Variants in LPP observed in about 807,000 individuals in gnomAD.
LPP encodes the protein LIM domain containing preferred translocation partner in lipoma.
A neutral mutation model predicts 60.4 loss-of-function variants in LPP; 38 were observed. That is an observed-to-expected ratio of 0.63 (90% confidence interval 0.49 to 0.83). The LOEUF is 0.83. LPP is among the 40% of genes least tolerant of loss of function. LPP has a pLI of 0.00. For synonymous variants in LPP, 328 were observed against 290.8 expected (o/e 1.13, Z -1.30); for missense variants, 902 against 783.6 (o/e 1.15, Z -1.80).
At chr3:188,640,408 A>T (rs1281779152) in intron 7 of LPP, among the ~76,000 whole-genome samples, 1 of 147,246 alleles carries the variant, frequency 6.8e-6, no homozygotes, top group Non-Finnish European at 1.5e-5. Flanking sequence ...TGGGAGATAT[A>T]CCTAATGCTA....
intron 9 of LPP, among the ~76,000 whole-genome samples, chr3:188,847,772 A>G (rs1761812080): frequency 6.6e-6 from 1 of 152,232 alleles, no homozygotes; most frequent in African/African-American, 2.4e-5. Flanking sequence ...TGTAAATGAT[A>G]TTTTACAATG....
At chr3:188,207,761 T>C (rs1056728540) in intron 1 of LPP, among the ~76,000 whole-genome samples, 2 of 152,060 alleles carry the variant, frequency 1.3e-5, no homozygotes, top group African/African-American at 4.8e-5. Context: ...GGCTTAAATA[T>C]TTCCTTCTGT....
intron 6 of LPP, among the ~76,000 whole-genome samples, chr3:188,604,788 G>A (rs142493839): frequency 5.9e-5 from 9 of 152,204 alleles, no homozygotes; most frequent in South Asian, 2.1e-4. Flanking sequence ...GGAATAAAAA[G>A]GACAGTCTCT....
intron 2 of LPP, among the ~76,000 whole-genome samples, chr3:188,339,602 A>G (rs1206959833): frequency 1.3e-5 from 2 of 152,138 alleles, no homozygotes; most frequent in Non-Finnish European, 2.9e-5. Flanking sequence ...AGCAGGAGAA[A>G]TGCCAGATGC....
chr3:188,859,447 G>A (rs1461075251), intron 9 of LPP, among the ~76,000 whole-genome samples: 2 of 152,080 alleles, frequency 1.3e-5, no homozygotes, highest in African/African-American at 2.4e-5. Flanking sequence ...GTGCCTCAAT[G>A]ATAGCAATTT....
intron 9 of LPP, among the ~76,000 whole-genome samples, chr3:188,764,114 A>G (rs564270012): frequency 6.2e-4 from 95 of 152,288 alleles, no homozygotes; most frequent in Non-Finnish European, 1.2e-3. Flanking sequence ...TGTCTCTTGA[A>G]AGCCTAGTTT....
At chr3:188,262,106 G>T (rs1733865069) in intron 2 of LPP, among the ~76,000 whole-genome samples, 1 of 152,168 alleles carries the variant, frequency 6.6e-6, no homozygotes, top group South Asian at 2.1e-4. Context: ...TCCCAGGCTG[G>T]TGGGAAGAGG....
rs573140902 is a variant in LPP at position 188,681,409 on chromosome 3, T to A, written c.1114-26858T>A. Among the ~76,000 whole-genome samples, 26 of 152,276 alleles carry A rather than the reference T, an allele frequency of 1.7e-4. 1 individual carries two copies. The highest frequency in any genetic ancestry group is 5.2e-4 in the Admixed American group (8 of 15,302). On this transcript the variant is annotated intron_variant, in intron 7 of 11. Transcript: ENST00000617246. ...CTCAACATCTCCAGTCCCCTTTGAG[T>A]TACCTCCAGAAGGTTCAGGAAGAGC...
intron 2 of LPP, among the ~76,000 whole-genome samples, chr3:188,240,562 T>C (rs189604084): frequency 2.6e-5 from 4 of 152,284 alleles, no homozygotes; most frequent in South Asian, 2.1e-4. Context: ...TTGAGAGCTT[T>C]ATTCAAACTC....
At chr3:188,473,312 A>G (rs1353680115) in intron 4 of LPP, among the ~76,000 whole-genome samples, 1 of 152,176 alleles carries the variant, frequency 6.6e-6, no homozygotes, top group Non-Finnish European at 1.5e-5. Context: ...CCTTATTTAG[A>G]TTTCATTGAT....
chr3:188,610,021 C>T lies in LPP; in HGVS notation c.1113+177C>T, dbSNP rs908501503. Reference sequence around the variant, plus strand: ...GAGAGAGAGACTACTTAGTATGTTACTAATATGGCCACTGTTTAGTATCAA... The same window carrying T: ...GAGAGAGAGACTACTTAGTATGTTATTAATATGGCCACTGTTTAGTATCAA... On this transcript the variant is annotated intron_variant, in intron 7 of 11. Transcript: ENST00000617246. This position sits in a 1 kb window ranked among gnomAD's most constrained non-coding sequence, Gnocchi z 4.4. 2.0e-5 allele frequency among the ~76,000 whole-genome samples: 3 copies of T among 152,128 alleles called. No individual in the cohort carries two copies. Among genetic ancestry groups the T allele is most frequent in the African/African-American group, 7.2e-5 (3 of 41,422 alleles).
intron 3 of LPP, among the ~76,000 whole-genome samples, chr3:188,353,080 T>A (rs973322685): frequency 2.6e-5 from 4 of 152,222 alleles, no homozygotes; most frequent in Admixed American, 6.5e-5. Flanking sequence ...CAAGAGCCGT[T>A]CATTGTCAGT....
intron 2 of LPP, among the ~76,000 whole-genome samples, chr3:188,240,848 T>G (rs1724319865): frequency 6.6e-6 from 1 of 152,292 alleles, no homozygotes; most frequent in Admixed American, 6.5e-5. Context: ...TCTTAGTGAA[T>G]GAACCTCCCT....
At chr3:188,524,852 A>C in intron 6 of LPP, 65 bp downstream of exon 6, 1 of 1,511,306 alleles carries the variant, frequency 6.6e-7, no homozygotes, top group Middle Eastern at 1.8e-4. Context: ...ATCAGAAAGA[A>C]CATGCTGCAC....
chr3:188,448,617 G>C (rs1008508394), intron 4 of LPP, among the ~76,000 whole-genome samples: 12 of 152,104 alleles, frequency 7.9e-5, no homozygotes, highest in Admixed American at 6.5e-5. Context: ...GTTTTGCCTA[G>C]GACGTTCAGT....
chr3:188,461,755 G>T (rs139932374), intron 4 of LPP, among the ~76,000 whole-genome samples: 1 of 152,096 alleles, frequency 6.6e-6, no homozygotes, highest in Non-Finnish European at 1.5e-5. Context: ...GCCTAGTCTT[G>T]CAAAGTTATT....
At position 188,263,862 on chromosome 3, in the gene LPP, C is replaced by T. The variant is rs937104307; in HGVS notation, c.-67+38335C>T. Among the ~76,000 whole-genome samples, 5 of 152,214 alleles carry T rather than the reference C, an allele frequency of 3.3e-5. 1 individual carries two copies. The highest frequency in any genetic ancestry group is 4.8e-5 in the African/African-American group (2 of 41,458). On this transcript the variant is annotated intron_variant, in intron 2 of 11. Transcript: ENST00000617246. The stretch of plus-strand genomic sequence containing the variant: ...GTCACTCTCACTCCTAAACTGTTGG[C>T]GTTCTCATTTTGGCTTGCCCAAATC...
chr3:188,252,277 C>T (rs974200440), intron 2 of LPP, among the ~76,000 whole-genome samples: 2 of 141,920 alleles, frequency 1.4e-5, no homozygotes, highest in South Asian at 2.2e-4. Flanking sequence ...ACTCTGATTT[C>T]GTAAATTTTT....
intron 9 of LPP, among the ~76,000 whole-genome samples, chr3:188,793,232 GA>G (rs1321797202): frequency 3.3e-5 from 5 of 150,112 alleles, no homozygotes; most frequent in Non-Finnish European, 5.9e-5. Context: ...TCCCAGCCTG[GA>G]GTGCAGTGGC....
Sources: gnomAD v4.1 joint callset for allele counts (sites outside exome capture counted in the v4.1 genomes callset) on GRCh38, gnomAD v4.1.1 for gene constraint, Gnocchi (gnomAD v3.1) non-coding constraint, MANE v1.5 for transcripts, NCBI Gene and HGNC (gene_info 2026-07-23, HGNC 2026-07-21) for gene names.